The following PTPRG variants were observed in gnomAD, a reference collection of about 807,000 sequenced individuals.
PTPRG encodes the protein receptor-type tyrosine-protein phosphatase gamma.
Under a neutral mutation model 165.3 loss-of-function variants are expected in PTPRG, and 102 were observed. That is an observed-to-expected ratio of 0.62 (90% CI 0.53 to 0.73). The LOEUF (loss-of-function observed/expected upper bound fraction) is 0.73. PTPRG is among the 30% of genes least tolerant of loss of function. The pLI is 0.00. For missense variants in PTPRG, 1,866 were observed against 1,861.4 expected (o/e 1.00, Z -0.05); for synonymous variants, 675 against 669.5 (o/e 1.01, Z -0.13).
chr3:61,914,163 TA>T (rs1344256704), intron 2 of PTPRG, among the ~76,000 whole-genome samples: 1 of 152,206 alleles, frequency 6.6e-6, no homozygotes, highest in African/African-American at 2.4e-5. Flanking sequence ...AGGTCAACAT[TA>T]AAGATTCCAC....
At chr3:61,563,282 C>T (rs897508616) in intron 1 of PTPRG, among the ~76,000 whole-genome samples, 5 of 152,176 alleles carry the variant, frequency 3.3e-5, no homozygotes, top group African/African-American at 1.2e-4. Context: ...CCCAGTCTCG[C>T]TCCTTTCTGG....
chr3:62,116,533 A>G (rs1702875481), intron 5 of PTPRG, among the ~76,000 whole-genome samples: 1 of 152,208 alleles, frequency 6.6e-6, no homozygotes, highest in South Asian at 2.1e-4. Flanking sequence ...GGTGAATCTC[A>G]GATATAACGA....
At chr3:61,975,847 A>T (rs1272138089) in intron 2 of PTPRG, among the ~76,000 whole-genome samples, 1 of 152,196 alleles carries the variant, frequency 6.6e-6, no homozygotes, top group Non-Finnish European at 1.5e-5. Context: ...ATTTAGACAC[A>T]ATGAAAAACA....
intron 4 of PTPRG, among the ~76,000 whole-genome samples, chr3:62,060,898 C>CT (rs896896758): frequency 3.3e-5 from 5 of 152,068 alleles, no homozygotes; most frequent in African/African-American, 9.7e-5. Flanking sequence ...TTATCATTGG[C>CT]TTTTTTTGCA....
chr3:62,050,764 G>C (rs1174077424), intron 4 of PTPRG, among the ~76,000 whole-genome samples: 1 of 152,168 alleles, frequency 6.6e-6, no homozygotes, highest in Non-Finnish European at 1.5e-5. Flanking sequence ...TCAGGAATCT[G>C]TTTTTCTAGT....
chr3:62,243,038 G>A (rs1197435751), intron 14 of PTPRG, among the ~76,000 whole-genome samples: 2 of 152,000 alleles, frequency 1.3e-5, no homozygotes, highest in Non-Finnish European at 2.9e-5. Flanking sequence ...CTGTGCTTCC[G>A]GCAGCTCATT....
At chr3:62,127,732 A>C (rs2106912982) in intron 5 of PTPRG, among the ~76,000 whole-genome samples, 1 of 152,316 alleles carries the variant, frequency 6.6e-6, no homozygotes, top group Non-Finnish European at 1.5e-5. Context: ...TTAGGATCCA[A>C]GTCAAGGGCC....
intron 1 of PTPRG, among the ~76,000 whole-genome samples, chr3:61,738,007 C>G (rs1012216517): frequency 2.0e-5 from 3 of 149,164 alleles, no homozygotes; most frequent in Non-Finnish European, 3.0e-5. Flanking sequence ...CTCCGGGGTT[C>G]ACGCCATTCT....
chr3:61,887,157 T>TAC (rs1559670224), intron 2 of PTPRG, among the ~76,000 whole-genome samples: 1 of 87,102 alleles, frequency 1.1e-5, no homozygotes, highest in African/African-American at 3.2e-5. Context: ...TATATATATA[T>TAC]ATATATATAT....
At chr3:62,242,718 C>A in intron 14 of PTPRG, among the ~76,000 whole-genome samples, 1 of 152,104 alleles carries the variant, frequency 6.6e-6, no homozygotes. Context: ...AGGGTATGCC[C>A]AATGGAATCA....
At chr3:61,706,735 C>T (rs2031280138) in intron 1 of PTPRG, among the ~76,000 whole-genome samples, 1 of 152,056 alleles carries the variant, frequency 6.6e-6, no homozygotes, top group African/African-American at 2.4e-5. Context: ...GGTGATCCAC[C>T]CGCCTCAGCC....
At chr3:61,626,647 G>A (rs1025825218) in intron 1 of PTPRG, among the ~76,000 whole-genome samples, 2 of 152,158 alleles carry the variant, frequency 1.3e-5, no homozygotes, top group East Asian at 1.9e-4. Flanking sequence ...TAAGAGTGTC[G>A]CTCTTCACTA....
chr3:62,040,030 G>A (rs1254041125), intron 4 of PTPRG, among the ~76,000 whole-genome samples: 1 of 152,158 alleles, frequency 6.6e-6, no homozygotes, highest in African/African-American at 2.4e-5. Flanking sequence ...TTTATAGGTA[G>A]TTACTTTTCC....
intron 2 of PTPRG, among the ~76,000 whole-genome samples, chr3:61,874,907 A>C (rs1016646804): frequency 7.9e-5 from 12 of 152,204 alleles, no homozygotes; most frequent in Admixed American, 7.9e-4. Flanking sequence ...TGGCATCACA[A>C]AATTTGTCTT....
At chr3:62,246,707 T>G (rs756738579) in intron 15 of PTPRG, among the ~76,000 whole-genome samples, 47 of 152,248 alleles carry the variant, frequency 3.1e-4, no homozygotes, top group South Asian at 8.3e-4. Context: ...TCTTAGAAAT[T>G]ATCCAATTGT....
intron 1 of PTPRG, among the ~76,000 whole-genome samples, chr3:61,594,232 A>G (rs1700640083): frequency 6.6e-6 from 1 of 151,942 alleles, no homozygotes; most frequent in African/African-American, 2.4e-5. Context: ...GTTTAAACAC[A>G]AAGAGAGGAT....
At chr3:61,657,943 G>A (rs1381349462) in intron 1 of PTPRG, among the ~76,000 whole-genome samples, 1 of 152,068 alleles carries the variant, frequency 6.6e-6, no homozygotes, top group Admixed American at 6.5e-5. Flanking sequence ...GACCCTGGTT[G>A]TGCTGCTGTG....
rs76993445 is a variant in PTPRG at position 62,069,554 on chromosome 3, G to T, written c.520-8609G>T. On this transcript the variant is annotated intron_variant, in intron 4 of 29. Transcript: ENST00000474889. ...ATGTGATACACAGACAGACATACCTGTGTATGTTTGCTTAAAACCGGTAAT... is the reference window on the plus strand; with the variant it reads ...ATGTGATACACAGACAGACATACCTTTGTATGTTTGCTTAAAACCGGTAAT... 1.8e-3 allele frequency among the ~76,000 whole-genome samples: 278 copies of T among 152,128 alleles called. 4 individuals carry two copies. Among genetic ancestry groups the T allele is most frequent in the East Asian group, 0.017 (86 of 5,156 alleles).
chr3:62,004,537 C>A (rs1236207426), intron 4 of PTPRG, among the ~76,000 whole-genome samples: 1 of 152,194 alleles, frequency 6.6e-6, no homozygotes, highest in South Asian at 2.1e-4. Context: ...ACATTTCTTC[C>A]TTGCTATATA....
Sources: gnomAD v4.1 joint callset for allele counts (sites outside exome capture counted in the v4.1 genomes callset) on GRCh38, gnomAD v4.1.1 for gene constraint, MANE v1.5 for transcripts, NCBI Gene and HGNC (gene_info 2026-07-23, HGNC 2026-07-21) for gene names.